BRF1: variants seen among roughly 807,000 people sequenced by gnomAD.
BRF1 encodes transcription factor IIIB 90 kDa subunit.
In BRF1, 59 loss-of-function variants were observed where a neutral mutation model predicts 81.7. The observed-to-expected ratio is 0.72, with a 90% CI of 0.59 to 0.90. BRF1 has a LOEUF of 0.90. Ranked by LOEUF, BRF1 falls within the 40% of genes least tolerant of loss-of-function variation. The pLI is 0.00. For missense variants in BRF1, 1,050 were observed against 936.3 expected (o/e 1.12, Z -1.58); for synonymous variants, 491 against 395.6 (o/e 1.24, Z -2.86).
Position 105,241,313 on chromosome 14 carries a change from G to C in BRF1, c.646C>G (p.Arg216Gly). Residue 216 changes from arginine to glycine, a missense_variant, in exon 6 of 18, where the codon CGG (arginine) becomes GGG (glycine). Arg to Gly is a moderately radical substitution (Grantham distance 125, BLOSUM62 -2). Around this residue, in one of 2 missense-constraint regions of BRF1, gnomAD observed 1,043 missense variants for 915.4 expected, o/e 1.14. Transcript: ENST00000547530. ...TALRLLQRMK[R>G]DWMHTGRRPS... ...CGCCGGCCTGTGTGCATCCAGTCCC[G>C]CTTCATCCTCTGTAGGAGCCTCAGG... 1 of 1,612,632 alleles carries C rather than the reference G, an allele frequency of 6.2e-7. No individual in the cohort carries two copies. The highest frequency in any genetic ancestry group is 1.3e-5 in the African/African-American group (1 of 75,060).
intron 6 of BRF1, 122 bp from the exon 7 acceptor site, chr14:105,229,035 T>C: frequency 2.3e-6 from 2 of 858,952 alleles, no homozygotes; most frequent in Non-Finnish European, 3.9e-6. Context: ...GACGTGTCTG[T>C]GCCAGGCAGT....
intron 10 of BRF1, among the ~76,000 whole-genome samples, chr14:105,225,299 C>G (rs769938138): frequency 6.6e-6 from 1 of 152,228 alleles, no homozygotes; most frequent in African/African-American, 2.4e-5. Flanking sequence ...CTAAGCCCCA[C>G]AACCAACCAA....
At chr14:105,264,071 G>A (rs2056288298) in intron 3 of BRF1, among the ~76,000 whole-genome samples, 2 of 151,708 alleles carry the variant, frequency 1.3e-5, no homozygotes, top group African/African-American at 4.8e-5. Context: ...AAAACAAAAA[G>A]AAAATCAAGA....
chr14:105,240,932 C>T (rs1243395699), intron 6 of BRF1, among the ~76,000 whole-genome samples: 2 of 152,106 alleles, frequency 1.3e-5, no homozygotes, highest in Non-Finnish European at 2.9e-5. Context: ...AGAGAGGCCA[C>T]ACCACTGTCC....
intron 10 of BRF1, among the ~76,000 whole-genome samples, chr14:105,225,175 T>G (rs1156853606): frequency 1.3e-5 from 2 of 152,208 alleles, no homozygotes; most frequent in African/African-American, 4.8e-5. Context: ...TCTCTCACCC[T>G]GGGTTCCTGC....
At chr14:105,244,726 T>C (rs1375481362) in intron 5 of BRF1, among the ~76,000 whole-genome samples, 2 of 151,952 alleles carry the variant, frequency 1.3e-5, no homozygotes, top group African/African-American at 4.8e-5. Flanking sequence ...TCTCTGAAAT[T>C]TGACAGACTG....
intron 5 of BRF1, among the ~76,000 whole-genome samples, chr14:105,245,488 A>G (rs191336656): frequency 7.9e-4 from 120 of 152,346 alleles, no homozygotes; most frequent in Admixed American, 1.8e-3. Flanking sequence ...AAGCAAATAA[A>G]TTACCACTGT....
chr14:105,222,187 C>A, intron 10 of BRF1: 1 of 409,508 alleles, frequency 2.4e-6, no homozygotes, highest in Non-Finnish European at 4.3e-6. Flanking sequence ...TTGGATAAGG[C>A]AAACATTTCT....
At chr14:105,248,705 GC>G (rs1225203654) in intron 5 of BRF1, 1 of 982,288 alleles carries the variant, frequency 1.0e-6, no homozygotes, top group Non-Finnish European at 1.2e-6. Flanking sequence ...CAGCGCCGCC[GC>G]CGCCCATGCT....
intron 6 of BRF1, 24 bp downstream of exon 6, chr14:105,241,241 C>A: frequency 6.2e-7 from 1 of 1,607,380 alleles, no homozygotes; most frequent in Non-Finnish European, 8.5e-7. Flanking sequence ...CCAGCATCCC[C>A]CAGGCAGGCA....
intron 3 of BRF1, among the ~76,000 whole-genome samples, chr14:105,264,666 CAAAAA>C (rs56970432): frequency 0.015 from 897 of 60,760 alleles, 14 homozygotes; most frequent in African/African-American, 0.057. Context: ...GACTCCATCT[CAAAAA>C]AAAAAAAAAA....
intron 2 of BRF1, among the ~76,000 whole-genome samples, chr14:105,283,273 C>T (rs1309230095): frequency 6.6e-6 from 1 of 152,214 alleles, no homozygotes; most frequent in Non-Finnish European, 1.5e-5. Flanking sequence ...CACACCCCAC[C>T]CAGGCAGGAG....
chr14:105,274,677 T>C (rs2056804940), intron 2 of BRF1, among the ~76,000 whole-genome samples: 1 of 152,166 alleles, frequency 6.6e-6, no homozygotes, highest in Non-Finnish European at 1.5e-5. Flanking sequence ...GGGAAACAAA[T>C]GTCAATGCAG....
intron 16 of BRF1, 178 bp from the exon 17 acceptor site, chr14:105,211,471 G>C: frequency 1.7e-6 from 1 of 593,662 alleles, no homozygotes; most frequent in Non-Finnish European, 2.9e-6. Context: ...TGGGGGCTGT[G>C]CCATGAGCTG....
intron 5 of BRF1, chr14:105,246,806 A>G: frequency 1.0e-6 from 1 of 985,036 alleles, no homozygotes; most frequent in Non-Finnish European, 1.2e-6. Context: ...GTTTCTTTCT[A>G]AGGATGAAAA....
chr14:105,256,435 G>A (rs1447745852), intron 4 of BRF1, 83 bp downstream of exon 4: 2 of 1,613,722 alleles, frequency 1.2e-6, no homozygotes, highest in Non-Finnish European at 1.7e-6. Context: ...GAGGCACCTG[G>A]GGTACACCCC....
chr14:105,308,677 T>A (rs1033051432), intron 1 of BRF1, among the ~76,000 whole-genome samples: 1 of 151,860 alleles, frequency 6.6e-6, no homozygotes, highest in Non-Finnish European at 1.5e-5. Context: ...GAGACAGGGT[T>A]TCACCATGTT....
intron 6 of BRF1, among the ~76,000 whole-genome samples, chr14:105,229,629 C>A (rs587754730): frequency 1.3e-5 from 2 of 151,078 alleles, no homozygotes; most frequent in Admixed American, 1.3e-4. Context: ...CTAGAACAGT[C>A]GCCCAGCTGG....
intron 1 of BRF1, among the ~76,000 whole-genome samples, chr14:105,312,014 G>A (rs587686155): frequency 7.9e-5 from 12 of 152,342 alleles, no homozygotes; most frequent in African/African-American, 2.6e-4. Flanking sequence ...GGGGCGCTGT[G>A]GGCTGGAGCC....
Sources: allele counts gnomAD v4.1 joint callset (sites outside exome capture counted in the v4.1 genomes callset), GRCh38; gene constraint gnomAD v4.1.1; regional missense constraint gnomAD v4.1.1; transcripts MANE v1.5; gene names NCBI Gene and HGNC (gene_info 2026-07-23, HGNC 2026-07-21).